The following VTI1A variants were observed in gnomAD, a reference collection of about 807,000 sequenced individuals.
VTI1A encodes the protein vesicle transport through interaction with t-SNAREs homolog 1A.
A neutral mutation model predicts 34.9 loss-of-function variants in VTI1A; 22 were observed. The ratio of observed to expected loss-of-function variants is 0.63; its 90% CI spans 0.45 to 0.90. VTI1A has a LOEUF of 0.90. Among genes scored for constraint, VTI1A ranks in the 40% least tolerant of loss-of-function variants. VTI1A has a pLI of 0.00. For synonymous variants in VTI1A, 87 were observed against 97.3 expected (o/e 0.89, Z 0.62); for missense variants, 268 against 275.6 (o/e 0.97, Z 0.20).
intron 7 of VTI1A, among the ~76,000 whole-genome samples, chr10:112,707,627 C>T (rs900659764): frequency 1.3e-5 from 2 of 152,164 alleles, no homozygotes; most frequent in African/African-American, 4.8e-5. Context: ...TCACCTTGCC[C>T]AGCTATTGAA....
intron 5 of VTI1A, among the ~76,000 whole-genome samples, chr10:112,618,161 T>C (rs959208710): frequency 6.6e-6 from 1 of 151,824 alleles, no homozygotes; most frequent in Middle Eastern, 3.4e-3. Flanking sequence ...CTCAAAAAAA[T>C]AAATAAATAA....
intron 2 of VTI1A, among the ~76,000 whole-genome samples, chr10:112,461,939 C>G (rs1000189374): frequency 2.6e-5 from 4 of 152,236 alleles, no homozygotes; most frequent in Admixed American, 6.5e-5. Flanking sequence ...TGGTCTTGAA[C>G]TCGTGCCCTC....
At chr10:112,468,739 C>T (rs570595228) in intron 3 of VTI1A, among the ~76,000 whole-genome samples, 1 of 152,294 alleles carries the variant, frequency 6.6e-6, no homozygotes, top group Non-Finnish European at 1.5e-5. Flanking sequence ...TGCGTCTATA[C>T]TGACTGGTAT....
chr10:112,610,096 C>T (rs1375017384), intron 5 of VTI1A, among the ~76,000 whole-genome samples: 6 of 151,482 alleles, frequency 4.0e-5, no homozygotes, highest in Non-Finnish European at 2.9e-5. Flanking sequence ...AAAAATGAGG[C>T]GCATTTAACT....
intron 7 of VTI1A, chr10:112,737,341 A>T (rs926472031): frequency 9.8e-7 from 1 of 1,024,558 alleles, no homozygotes; most frequent in East Asian, 6.4e-5. Flanking sequence ...CCCAACCCTA[A>T]CAATTATTTT....
At chr10:112,618,516 T>TAGAGAGAGAGAGAGAGAGAGAGAG (rs1295144968) in intron 5 of VTI1A, among the ~76,000 whole-genome samples, 4 of 46,416 alleles carry the variant, frequency 8.6e-5, no homozygotes, top group East Asian at 8.4e-4. Context: ...TATATATATA[T>TAGAGAGAGAGAGAGAGAGAGAGAG]ATATATATAG....
At chr10:112,801,922 T>C (rs112393836) in intron 7 of VTI1A, among the ~76,000 whole-genome samples, 16 of 152,350 alleles carry the variant, frequency 1.1e-4, no homozygotes, top group African/African-American at 3.4e-4. Flanking sequence ...ATCGGTTGAC[T>C]TTGGTTAATC....
intron 7 of VTI1A, among the ~76,000 whole-genome samples, chr10:112,758,928 C>G (rs1207973003): frequency 6.6e-6 from 1 of 152,158 alleles, no homozygotes; most frequent in African/African-American, 2.4e-5. Flanking sequence ...AGGCATCTTC[C>G]TACCTGCTGC....
At chr10:112,518,607 ATATATG>A (rs1330174522) in intron 3 of VTI1A, among the ~76,000 whole-genome samples, 17 of 141,822 alleles carry the variant, frequency 1.2e-4, no homozygotes, top group South Asian at 2.2e-4. Flanking sequence ...ATATATATAT[ATATATG>A]TGTGTGTGTG....
chr10:112,571,003 A>C (rs527964384), intron 5 of VTI1A, among the ~76,000 whole-genome samples: 3 of 152,372 alleles, frequency 2.0e-5, no homozygotes, highest in African/African-American at 7.2e-5. Context: ...CATTTCAGCT[A>C]ATATTTATTG....
At chr10:112,632,237 G>A (rs1305160055) in intron 5 of VTI1A, among the ~76,000 whole-genome samples, 1 of 152,130 alleles carries the variant, frequency 6.6e-6, no homozygotes, top group Non-Finnish European at 1.5e-5. Context: ...ACTCTCAAAT[G>A]TCCTGCTGGT....
intron 5 of VTI1A, among the ~76,000 whole-genome samples, chr10:112,649,822 A>G (rs1590024126): frequency 6.6e-6 from 1 of 152,212 alleles, no homozygotes; most frequent in Non-Finnish European, 1.5e-5. Flanking sequence ...TTGTAATACT[A>G]TGGTAAGGAC....
chr10:112,602,735 T>C lies in VTI1A; in HGVS notation c.427+64405T>C, dbSNP rs530709287. On this transcript the variant is annotated intron_variant, in intron 5 of 7. Coordinates refer to ENST00000393077, the MANE Select transcript of VTI1A (RefSeq NM_145206.4). ...AAAGGATGCATACACTGGGAAATTGTGGTCAAAATGTCAAACAGTAAAACA... is the reference window on the plus strand; with the variant it reads ...AAAGGATGCATACACTGGGAAATTGCGGTCAAAATGTCAAACAGTAAAACA... 2.6e-5 allele frequency among the ~76,000 whole-genome samples: 4 copies of C among 152,204 alleles called. No homozygotes were observed. In the South Asian group the frequency reaches 8.3e-4, roughly 31 times the overall value.
At chr10:112,467,714 C>T (rs1449856733) in intron 3 of VTI1A, among the ~76,000 whole-genome samples, 1 of 152,204 alleles carries the variant, frequency 6.6e-6, no homozygotes, top group Admixed American at 6.5e-5. Context: ...TTGTAAATTA[C>T]TTTAACATAC....
At chr10:112,538,198 C>A in intron 4 of VTI1A, 48 bp from the exon 5 acceptor site, 2 of 1,543,756 alleles carry the variant, frequency 1.3e-6, no homozygotes, top group Non-Finnish European at 1.8e-6. Context: ...AAAAAAAGAA[C>A]ATTGTAGACG....
intron 7 of VTI1A, among the ~76,000 whole-genome samples, chr10:112,806,350 A>G (rs1590202009): frequency 6.6e-6 from 1 of 151,926 alleles, no homozygotes; most frequent in East Asian, 1.9e-4. Flanking sequence ...CAGTGGCAAG[A>G]TCTTGGCTCA....
chr10:112,508,308 C>T (rs1849499573), intron 3 of VTI1A, among the ~76,000 whole-genome samples: 1 of 152,150 alleles, frequency 6.6e-6, no homozygotes, highest in Non-Finnish European at 1.5e-5. Flanking sequence ...TATTGCTGAG[C>T]ACTCTTTATT....
intron 5 of VTI1A, among the ~76,000 whole-genome samples, chr10:112,563,054 A>G (rs1470953660): frequency 1.3e-5 from 2 of 152,196 alleles, no homozygotes; most frequent in African/African-American, 4.8e-5. Context: ...CAGCCGTACT[A>G]GCACAAAATG....
chr10:112,723,847 G>A (rs987197415), intron 7 of VTI1A, among the ~76,000 whole-genome samples: 1 of 152,176 alleles, frequency 6.6e-6, no homozygotes, highest in Non-Finnish European at 1.5e-5. Flanking sequence ...CATTCTCTGG[G>A]ATTCAGGGCA....
Sources: allele counts gnomAD v4.1 joint callset (sites outside exome capture counted in the v4.1 genomes callset), GRCh38; gene constraint gnomAD v4.1.1; transcripts MANE v1.5; gene names NCBI Gene and HGNC (gene_info 2026-07-23, HGNC 2026-07-21).